The following LGSN variants were observed in gnomAD, a reference collection of about 807,000 sequenced individuals.
LGSN encodes lengsin, lens protein with glutamine synthetase domain, also known as lengsin.
LGSN carries 21 observed loss-of-function variants against 19.5 expected under a neutral mutation model. That is an observed-to-expected ratio of 1.07 (90% confidence interval 0.76 to 1.55). LGSN has a LOEUF of 1.55. Ranked by LOEUF, LGSN falls within the 40% of genes most tolerant of loss-of-function variation. LGSN has a pLI of 0.00. For synonymous variants in LGSN, 257 were observed against 215.6 expected (o/e 1.19, Z -1.68); for missense variants, 673 against 608.5 (o/e 1.11, Z -1.12).
At chr6:63,508,100 G>A in the LGSN span, among the ~76,000 whole-genome samples, 1 of 152,132 alleles carries the variant, frequency 6.6e-6, no homozygotes, top group African/African-American at 2.4e-5. Context: ...TAGTTCAAGA[G>A]TAAAATCACA....
At chr6:63,326,976 G>A in the LGSN span, among the ~76,000 whole-genome samples, 24 of 152,246 alleles carry the variant, frequency 1.6e-4, no homozygotes, top group Admixed American at 5.9e-4. Flanking sequence ...CGCCGAGAGC[G>A]AGCGAGGGCT....
chr6:63,291,536 C>T (rs1399867640), intron 2 of LGSN, among the ~76,000 whole-genome samples: 1 of 152,188 alleles, frequency 6.6e-6, no homozygotes, highest in Non-Finnish European at 1.5e-5. Context: ...GATGCTCCTT[C>T]CCTCTCTGCC....
At chr6:63,477,664 T>TTTC in the LGSN span, among the ~76,000 whole-genome samples, 2 of 148,706 alleles carry the variant, frequency 1.3e-5, no homozygotes, top group Admixed American at 6.7e-5. Flanking sequence ...TCTTTTTCTT[T>TTTC]TTCTTCTTCT....
the LGSN span, among the ~76,000 whole-genome samples, chr6:63,474,037 CAGA>C: frequency 1.3e-5 from 2 of 151,696 alleles, no homozygotes; most frequent in East Asian, 3.9e-4. Context: ...TATTTGGAAT[CAGA>C]AGATGTTTAT....
the LGSN span, among the ~76,000 whole-genome samples, chr6:63,377,913 C>CAAAAAAAAA: frequency 1.8e-5 from 1 of 54,352 alleles, no homozygotes; most frequent in African/African-American, 6.4e-5. Context: ...GACTCCATCT[C>CAAAAAAAAA]AAAAAAAAAA....
the LGSN span, among the ~76,000 whole-genome samples, chr6:63,440,555 AGAGCAG>A: frequency 7.2e-5 from 11 of 152,136 alleles, no homozygotes; most frequent in African/African-American, 2.7e-4. Flanking sequence ...CTTCCTGTAT[AGAGCAG>A]GCACTCTACA....
chr6:63,287,687 A>G (rs6936427), intron 2 of LGSN, among the ~76,000 whole-genome samples: 5,738 of 152,122 alleles, frequency 0.038, 363 homozygotes, highest in African/African-American at 0.13. Context: ...CAGCCTATGC[A>G]ACAAAGAGGG....
At chr6:63,322,882 T>A (rs1218727285), upstream of LGSN, among the ~76,000 whole-genome samples, 2 of 152,320 alleles carry the variant, frequency 1.3e-5, 1 homozygote, top group African/African-American at 4.8e-5. Context: ...AATATTTTTG[T>A]GTGTCCTTTT....
the LGSN span, among the ~76,000 whole-genome samples, chr6:63,347,429 G>A: frequency 6.6e-6 from 1 of 152,080 alleles, no homozygotes; most frequent in Non-Finnish European, 1.5e-5. Flanking sequence ...ATTGATTTAG[G>A]TCTTCTTTGT....
chr6:63,452,675 C>G, the LGSN span, among the ~76,000 whole-genome samples: 1 of 151,498 alleles, frequency 6.6e-6, no homozygotes, highest in Non-Finnish European at 1.5e-5. Flanking sequence ...CTCTCTCTCT[C>G]TGTCTCTCTC....
At chr6:63,390,119 T>C in the LGSN span, among the ~76,000 whole-genome samples, 1 of 73,970 alleles carries the variant, frequency 1.4e-5, no homozygotes, top group Non-Finnish European at 2.7e-5. Flanking sequence ...TCTTTCTTTC[T>C]TTTTTTTTTT....
At chr6:63,417,085 A>T in the LGSN span, among the ~76,000 whole-genome samples, 1 of 152,018 alleles carries the variant, frequency 6.6e-6, no homozygotes. Context: ...GCACCCTACA[A>T]ACCACAGTTC....
the LGSN span, among the ~76,000 whole-genome samples, chr6:63,368,488 CCTT>C: frequency 4.6e-5 from 7 of 152,194 alleles, no homozygotes; most frequent in East Asian, 1.9e-4. Flanking sequence ...CCTCTAGACT[CCTT>C]CTCAGCTCAC....
chr6:63,437,863 G>C, the LGSN span, among the ~76,000 whole-genome samples: 3 of 152,136 alleles, frequency 2.0e-5, no homozygotes, highest in Admixed American at 1.3e-4. Context: ...TCCGGAGGCG[G>C]AGGTTGCAGT....
At chr6:63,340,967 T>A in the LGSN span, among the ~76,000 whole-genome samples, 1 of 152,180 alleles carries the variant, frequency 6.6e-6, no homozygotes. Context: ...AAAGTATCTA[T>A]AGCATTGGTT....
the LGSN span, among the ~76,000 whole-genome samples, chr6:63,452,780 C>G: frequency 1.3e-5 from 2 of 150,942 alleles, no homozygotes; most frequent in Admixed American, 1.3e-4. Context: ...TTTCTGCTTT[C>G]TATCTTATTG....
chr6:63,448,212 C>T, the LGSN span, among the ~76,000 whole-genome samples: 3 of 152,116 alleles, frequency 2.0e-5, no homozygotes, highest in Non-Finnish European at 4.4e-5. Context: ...TGTTATTTTA[C>T]AATGTCCTAA....
At chr6:63,362,336 AC>A in the LGSN span, among the ~76,000 whole-genome samples, 1 of 152,210 alleles carries the variant, frequency 6.6e-6, no homozygotes, top group African/African-American at 2.4e-5. Context: ...CAACTGAGGT[AC>A]CAGGTTCATC....
chr6:63,503,667 C>G, the LGSN span, among the ~76,000 whole-genome samples: 2 of 152,220 alleles, frequency 1.3e-5, no homozygotes, highest in Admixed American at 1.3e-4. Flanking sequence ...GTAATCCCAG[C>G]ACTCTGGGAG....
Sources: gnomAD v4.1 joint callset for allele counts (sites outside exome capture counted in the v4.1 genomes callset) on GRCh38, gnomAD v4.1.1 for gene constraint, MANE v1.5 for transcripts, NCBI Gene and HGNC (gene_info 2026-07-23, HGNC 2026-07-21) for gene names.